ELAPOR1: variants seen among roughly 807,000 people sequenced by gnomAD.
ELAPOR1 encodes the protein endosome-lysosome associated apoptosis and autophagy regulator 1, also known as endosome/lysosome-associated apoptosis and autophagy regulator 1.
A neutral mutation model predicts 119.7 loss-of-function variants in ELAPOR1; 77 were observed. The observed-to-expected ratio is 0.64, with a 90% CI of 0.54 to 0.78. The LOEUF is 0.78. Among genes scored for constraint, ELAPOR1 ranks in the 30% least tolerant of loss-of-function variants. The pLI is 0.00. For synonymous variants in ELAPOR1, 481 were observed against 487.2 expected, an observed-to-expected ratio of 0.99 and a Z score of 0.17; for missense variants, 1,115 against 1,270.4, an observed-to-expected ratio of 0.88 and a Z score of 1.86.
chr1:109,192,945 G>A (rs1653545403), intron 14 of ELAPOR1, 71 bp downstream of exon 14: 1 of 1,540,718 alleles, frequency 6.5e-7, no homozygotes, highest in South Asian at 1.2e-5. Context: ...GCTGGGTCCT[G>A]GGTAGGGTTC....
At chr1:109,173,893 C>T in intron 7 of ELAPOR1, 56 bp downstream of exon 7, 1 of 1,576,266 alleles carries the variant, frequency 6.3e-7, no homozygotes, top group Non-Finnish European at 8.7e-7. Context: ...CCAAAACACA[C>T]AAGGAGATAC....
At chr1:109,149,353 CCTAAT>C (rs762115730) in intron 1 of ELAPOR1, among the ~76,000 whole-genome samples, 4 of 151,890 alleles carry the variant, frequency 2.6e-5, no homozygotes, top group Non-Finnish European at 4.4e-5. Context: ...AACATAATGC[CCTAAT>C]CATCCAGAGA....
At chr1:109,185,211 C>G in intron 8 of ELAPOR1, 78 bp downstream of exon 8, 1 of 1,084,298 alleles carries the variant, frequency 9.2e-7, no homozygotes, top group Admixed American at 1.7e-5. Flanking sequence ...CCATTTGGAA[C>G]TTCAGCAGTC....
chr1:109,158,341 T>C (rs951576941), intron 1 of ELAPOR1, among the ~76,000 whole-genome samples: 19 of 148,688 alleles, frequency 1.3e-4, no homozygotes, highest in African/African-American at 4.8e-4. Context: ...ATTTCAGCAG[T>C]CCATTCAATA....
intron 3 of ELAPOR1, among the ~76,000 whole-genome samples, chr1:109,165,607 CA>C (rs1651546275): frequency 6.7e-6 from 1 of 148,192 alleles, no homozygotes; most frequent in Admixed American, 6.7e-5. Flanking sequence ...AAAAGAAAAA[CA>C]AAAACAAAAA....
intron 1 of ELAPOR1, among the ~76,000 whole-genome samples, chr1:109,147,984 C>T (rs1650284599): frequency 7.0e-6 from 1 of 142,892 alleles, no homozygotes; most frequent in Non-Finnish European, 1.6e-5. Context: ...TGCCCGCCAC[C>T]ACGCCCGGCT....
At chr1:109,136,661 G>A (rs1052406455) in intron 1 of ELAPOR1, among the ~76,000 whole-genome samples, 2 of 152,144 alleles carry the variant, frequency 1.3e-5, no homozygotes, top group South Asian at 2.1e-4. Flanking sequence ...TATTGTGCTT[G>A]TGATTTAAAA....
At chr1:109,171,697 G>A (rs1429808246) in intron 3 of ELAPOR1, among the ~76,000 whole-genome samples, 169 bp from the exon 4 acceptor site, 1 of 152,162 alleles carries the variant, frequency 6.6e-6, no homozygotes, top group Non-Finnish European at 1.5e-5. Context: ...TGACCTACCT[G>A]AGAGCTTCTT....
intron 12 of ELAPOR1, 122 bp from the exon 13 acceptor site, chr1:109,191,604 C>A: frequency 7.0e-7 from 1 of 1,431,412 alleles, no homozygotes; most frequent in Non-Finnish European, 9.7e-7. Flanking sequence ...GACTGACCAG[C>A]AGGGACTTCA....
chr1:109,165,183 T>A (rs761919758), intron 3 of ELAPOR1, among the ~76,000 whole-genome samples: 3 of 152,108 alleles, frequency 2.0e-5, no homozygotes, highest in Non-Finnish European at 4.4e-5. Context: ...TCCCAGCTAC[T>A]CGAGAGGCTG....
intron 1 of ELAPOR1, among the ~76,000 whole-genome samples, chr1:109,127,215 C>CTTTT (rs371961969): frequency 1.6e-5 from 2 of 129,018 alleles, no homozygotes; most frequent in African/African-American, 5.7e-5. Flanking sequence ...TTTTTCTTTT[C>CTTTT]TTTTTTTTTT....
chr1:109,115,465 A>G (rs1647928581), intron 1 of ELAPOR1, among the ~76,000 whole-genome samples: 1 of 152,246 alleles, frequency 6.6e-6, no homozygotes, highest in Admixed American at 6.5e-5. Flanking sequence ...TTTAAAATAG[A>G]AATGAGGTTT....
intron 1 of ELAPOR1, among the ~76,000 whole-genome samples, chr1:109,133,982 T>C (rs922405387): frequency 6.6e-6 from 1 of 152,196 alleles, no homozygotes; most frequent in Non-Finnish European, 1.5e-5. Context: ...GGACTCCTGT[T>C]CCCAGTGATG....
At chr1:109,114,591 G>T (rs1226313452) in intron 1 of ELAPOR1, among the ~76,000 whole-genome samples, 2 of 152,184 alleles carry the variant, frequency 1.3e-5, no homozygotes, top group Admixed American at 6.6e-5. Flanking sequence ...CCAAGAAGGG[G>T]AGCTACCTGG....
At chr1:109,178,259 C>T (rs1029134490) in intron 7 of ELAPOR1, among the ~76,000 whole-genome samples, 9 of 152,142 alleles carry the variant, frequency 5.9e-5, no homozygotes, top group African/African-American at 1.9e-4. Context: ...GATCCACCCG[C>T]CTTGGCCTCC....
At chr1:109,135,729 G>T (rs144731888) in intron 1 of ELAPOR1, among the ~76,000 whole-genome samples, 244 of 152,256 alleles carry the variant, frequency 1.6e-3, no homozygotes, top group African/African-American at 5.4e-3. Flanking sequence ...GTGACTGGGG[G>T]CATATGACTG....
chr1:109,125,659 CAGG>C (rs1648728438), intron 1 of ELAPOR1, among the ~76,000 whole-genome samples: 1 of 152,200 alleles, frequency 6.6e-6, no homozygotes, highest in Non-Finnish European at 1.5e-5. Flanking sequence ...GCTGGGATTA[CAGG>C]CGGGAGCCAC....
intron 8 of ELAPOR1, chr1:109,187,578 C>T: frequency 8.0e-6 from 8 of 1,002,194 alleles, no homozygotes; most frequent in Non-Finnish European, 9.6e-6. Context: ...AGCTGCCCAC[C>T]TTCACCCCTG....
intron 1 of ELAPOR1, among the ~76,000 whole-genome samples, chr1:109,118,900 CTTTTT>C (rs777752743): frequency 1.6e-5 from 2 of 128,208 alleles, no homozygotes; most frequent in African/African-American, 6.4e-5. Flanking sequence ...TTTGGTTCTT[CTTTTT>C]TTTTTTTTTT....
Sources: gnomAD v4.1 joint callset for allele counts (sites outside exome capture counted in the v4.1 genomes callset) on GRCh38, gnomAD v4.1.1 for gene constraint, MANE v1.5 for transcripts, NCBI Gene and HGNC (gene_info 2026-07-23, HGNC 2026-07-21) for gene names.